Variants in DENND5A observed in about 807,000 individuals in gnomAD.
DENND5A encodes DENN domain-containing protein 5A.
Under a neutral mutation model 140.3 loss-of-function variants are expected in DENND5A, and 64 were observed. That is an observed-to-expected ratio of 0.46 (90% CI 0.37 to 0.56). The LOEUF (loss-of-function observed/expected upper bound fraction) is 0.56. Ranked by LOEUF, DENND5A falls within the 20% of genes least tolerant of loss-of-function variation. The pLI, the probability that DENND5A is intolerant of heterozygous loss-of-function variation, is 0.00. For synonymous variants in DENND5A, 605 were observed against 607.7 expected (o/e 1.00, Z 0.07); for missense variants, 1,292 against 1,593.8 (o/e 0.81, Z 3.22).
In DENND5A at chr11:9,157,071, T is replaced by C. The variant is rs1847830485; in HGVS notation, c.2436+3642A>G. On this transcript the variant is annotated intron_variant, in intron 12 of 22. Transcript: ENST00000328194. ...ACTAACTCCCTAGAAATTTTTGCAG[T>C]AAATATTTAAAAGTTTTCAGCATAT... Among the ~76,000 whole-genome samples the C allele has an allele frequency of 2.0e-5, 3 of 152,166 alleles. No homozygotes were observed. In the South Asian group the frequency reaches 6.2e-4, roughly 31 times the overall value.
At chr11:9,257,092 CCT>C (rs1851978634) in intron 1 of DENND5A, among the ~76,000 whole-genome samples, 1 of 151,404 alleles carries the variant, frequency 6.6e-6, no homozygotes, top group Admixed American at 6.6e-5. Flanking sequence ...CTCACTGCAA[CCT>C]CTGCCTCCCA....
chr11:9,257,220 G>C (rs1445087302), intron 1 of DENND5A, among the ~76,000 whole-genome samples: 2 of 151,888 alleles, frequency 1.3e-5, no homozygotes, highest in East Asian at 1.9e-4. Context: ...GTGTTGGCCA[G>C]GCTGGTCTCA....
intron 1 of DENND5A, among the ~76,000 whole-genome samples, chr11:9,241,762 C>T (rs1038211712): frequency 6.6e-6 from 1 of 152,166 alleles, no homozygotes; most frequent in Non-Finnish European, 1.5e-5. Context: ...CGCCTGTAAT[C>T]CCAGCACTTT....
chr11:9,256,233 G>A (rs1338133336), intron 1 of DENND5A, among the ~76,000 whole-genome samples: 4 of 152,004 alleles, frequency 2.6e-5, no homozygotes, highest in African/African-American at 7.2e-5. Flanking sequence ...AGGCCAAGGT[G>A]GGTGGATCAT....
intron 1 of DENND5A, among the ~76,000 whole-genome samples, chr11:9,216,763 T>A (rs1439365901): frequency 6.6e-6 from 1 of 152,078 alleles, no homozygotes; most frequent in Non-Finnish European, 1.5e-5. Context: ...TAATTACTAG[T>A]CTGGAGGCTG....
At chr11:9,258,376 G>A (rs1022005821) in intron 1 of DENND5A, among the ~76,000 whole-genome samples, 7 of 150,656 alleles carry the variant, frequency 4.6e-5, no homozygotes, top group Non-Finnish European at 8.8e-5. Flanking sequence ...AACATGTGGT[G>A]TTCCGTTTTC....
chr11:9,249,018 G>A (rs1324662547), intron 1 of DENND5A, among the ~76,000 whole-genome samples: 1 of 152,094 alleles, frequency 6.6e-6, no homozygotes, highest in Non-Finnish European at 1.5e-5. Context: ...ACGAGGTCAG[G>A]AGATCGAGAC....
At chr11:9,193,212 G>C (rs1039215295) in intron 5 of DENND5A, among the ~76,000 whole-genome samples, 1 of 152,222 alleles carries the variant, frequency 6.6e-6, no homozygotes, top group Non-Finnish European at 1.5e-5. Flanking sequence ...GGGTAACACA[G>C]CAAGACCTTG....
chr11:9,148,794 G>A (rs1250137289), intron 15 of DENND5A, among the ~76,000 whole-genome samples: 4 of 152,224 alleles, frequency 2.6e-5, no homozygotes, highest in Non-Finnish European at 5.9e-5. Flanking sequence ...GGAAATAAAT[G>A]CAGGAGTGGA....
intron 15 of DENND5A, among the ~76,000 whole-genome samples, chr11:9,147,805 C>A (rs1000298531): frequency 3.3e-5 from 5 of 152,166 alleles, no homozygotes; most frequent in African/African-American, 1.2e-4. Context: ...ACATTCCAGG[C>A]CCTCCGCAGC....
intron 12 of DENND5A, among the ~76,000 whole-genome samples, chr11:9,159,346 G>A (rs966040074): frequency 6.9e-6 from 1 of 143,998 alleles, no homozygotes; most frequent in East Asian, 2.0e-4. Flanking sequence ...TTGAGACAGA[G>A]TTTCACTCTT....
chr11:9,162,233 C>CTTT (rs1221675349), intron 11 of DENND5A, among the ~76,000 whole-genome samples: 1,117 of 97,014 alleles, frequency 0.012, 5 homozygotes, highest in Middle Eastern at 0.015. Context: ...CCAGTTCCTT[C>CTTT]TTTTTTTTTT....
chr11:9,213,201 T>G (rs117030806), intron 1 of DENND5A, among the ~76,000 whole-genome samples: 1 of 151,796 alleles, frequency 6.6e-6, no homozygotes, highest in Non-Finnish European at 1.5e-5. Flanking sequence ...TGACGGGGTT[T>G]CACCATGTTG....
At position 9,178,233 on chromosome 11, in the gene DENND5A, C is replaced by T. The variant is rs147590248; in HGVS notation, c.1805G>A (p.Arg602Gln). Residue 602 changes from arginine to glutamine, a missense_variant, in exon 8 of 23, where the codon CGG (arginine) becomes CAG (glutamine). Physicochemically the swap from Arg to Gln is conservative, Grantham distance 43. Transcript: ENST00000328194. The stretch of plus-strand genomic sequence containing the variant: ...CTTGTCAACTCGGGAATCAAATACC[C>T]GGAGTACAGGGTCTTTATCATCATC... ...HDDDDKDPVL[R>Q]VFDSRVDKIR... is the part of the protein sequence containing the mutation. 7.9e-5 allele frequency: 127 copies of T among 1,613,992 alleles called. 1 individual carries two copies. The highest frequency in any genetic ancestry group is 6.0e-4 in the African/African-American group (45 of 75,010).
chr11:9,219,831 A>G (rs1293926298), intron 1 of DENND5A, among the ~76,000 whole-genome samples: 7 of 152,264 alleles, frequency 4.6e-5, no homozygotes. Context: ...CAAGGGACAA[A>G]CCACAACAGA....
intron 1 of DENND5A, among the ~76,000 whole-genome samples, chr11:9,215,236 C>T (rs1213332431): frequency 1.3e-5 from 2 of 152,194 alleles, no homozygotes; most frequent in African/African-American, 4.8e-5. Flanking sequence ...TCCTGCTTAA[C>T]ATCTTCCAGG....
At chr11:9,145,526 C>G (rs1044371706) in intron 17 of DENND5A, 144 bp downstream of exon 17, 2 of 932,104 alleles carry the variant, frequency 2.1e-6, no homozygotes, top group African/African-American at 3.3e-5. Flanking sequence ...TTGGATCCAG[C>G]CTCAGATCAT....
At chr11:9,166,626 G>A (rs1848201064) in intron 10 of DENND5A, among the ~76,000 whole-genome samples, 1 of 151,926 alleles carries the variant, frequency 6.6e-6, no homozygotes, top group Non-Finnish European at 1.5e-5. Flanking sequence ...AAGGTCAGGA[G>A]TTCAAGACCA....
intron 3 of DENND5A, among the ~76,000 whole-genome samples, chr11:9,205,312 T>C (rs912708386): frequency 6.6e-6 from 1 of 152,164 alleles, no homozygotes; most frequent in Non-Finnish European, 1.5e-5. Flanking sequence ...CAGTTTTACA[T>C]GAACCTGGCT....
Sources: gnomAD v4.1 joint callset for allele counts (sites outside exome capture counted in the v4.1 genomes callset) on GRCh38, gnomAD v4.1.1 for gene constraint, MANE v1.5 for transcripts, NCBI Gene and HGNC (gene_info 2026-07-23, HGNC 2026-07-21) for gene names.